CACNA1C: variants seen among roughly 807,000 people sequenced by gnomAD.
CACNA1C encodes the protein calcium voltage-gated channel subunit alpha1 C.
CACNA1C carries 30 observed loss-of-function variants against 229.0 expected under a neutral mutation model. That is an observed-to-expected ratio of 0.13 (90% confidence interval 0.10 to 0.18). The LOEUF is 0.18. Ranked by LOEUF, CACNA1C falls within the 10% of genes least tolerant of loss-of-function variation. The pLI is 1.00. For synonymous variants in CACNA1C, 1,114 were observed against 1,132.5 expected, an observed-to-expected ratio of 0.98 and a Z score of 0.33; for missense variants, 1,658 against 2,845.0, an observed-to-expected ratio of 0.58 and a Z score of 9.49.
At chr12:2,430,180 C>T (rs2099068808) in intron 3 of CACNA1C, among the ~76,000 whole-genome samples, 1 of 152,142 alleles carries the variant, frequency 6.6e-6, no homozygotes, top group Non-Finnish European at 1.5e-5. Flanking sequence ...GCCTTCTGCC[C>T]TCATGACCTA....
chr12:2,163,074 T>A (rs1237080846), intron 3 of CACNA1C, among the ~76,000 whole-genome samples: 1 of 151,972 alleles, frequency 6.6e-6, no homozygotes, highest in Non-Finnish European at 1.5e-5. Context: ...GGTGCATGCT[T>A]GTAATTCCAG....
chr12:2,041,270 C>CCT (rs1431120411), intron 1 of CACNA1C, among the ~76,000 whole-genome samples: 2 of 91,008 alleles, frequency 2.2e-5, no homozygotes, highest in African/African-American at 8.4e-5. Flanking sequence ...TAAGGGTATT[C>CCT]TTTTTTTTTT....
chr12:1,978,730 C>G (rs1411533832), intron 1 of CACNA1C, among the ~76,000 whole-genome samples: 2 of 152,178 alleles, frequency 1.3e-5, no homozygotes, highest in African/African-American at 4.8e-5. Flanking sequence ...TTCTATCACC[C>G]TAGATTAGTT....
At chr12:2,212,962 G>A (rs1599313920) in intron 3 of CACNA1C, among the ~76,000 whole-genome samples, 2 of 152,296 alleles carry the variant, frequency 1.3e-5, no homozygotes, top group Middle Eastern at 3.4e-3. Flanking sequence ...CAGTGATGTT[G>A]ATTGTTAAAA....
chr12:2,530,516 G>C (rs1445468351), intron 9 of CACNA1C, among the ~76,000 whole-genome samples: 2 of 152,200 alleles, frequency 1.3e-5, no homozygotes, highest in East Asian at 1.9e-4. Flanking sequence ...TGATCATCCA[G>C]AGCAAGGCCA....
chr12:2,622,814 C>A (rs1347942095), intron 29 of CACNA1C, among the ~76,000 whole-genome samples: 1 of 152,182 alleles, frequency 6.6e-6, no homozygotes, highest in Non-Finnish European at 1.5e-5. Flanking sequence ...GTGTTCCGCC[C>A]CTACAATGGT....
intron 3 of CACNA1C, among the ~76,000 whole-genome samples, chr12:2,171,074 T>C (rs1216341454): frequency 6.6e-6 from 1 of 152,244 alleles, no homozygotes; most frequent in Non-Finnish European, 1.5e-5. Context: ...GCTGGATTGC[T>C]GAGAACATCT....
chr12:2,007,791 T>C (rs2043720503), intron 1 of CACNA1C, among the ~76,000 whole-genome samples: 1 of 152,216 alleles, frequency 6.6e-6, no homozygotes, highest in Non-Finnish European at 1.5e-5. Context: ...CTTCTTAGCT[T>C]GGAATGACCT....
Position 2,605,872 on chromosome 12 carries a change from G to A in CACNA1C, c.3156+86G>A, listed in dbSNP as rs964173511. 9.6e-5 allele frequency: 90 copies of A among 938,626 alleles called. No homozygotes were observed. The highest frequency in any genetic ancestry group is 7.1e-4 in the African/African-American group (44 of 61,878). The allele number at this position is 938,626 out of a possible 1,614,324, so 58.1% of individuals were successfully genotyped here. A position where few individuals can be genotyped will look rare whatever the true frequency, so the allele number is the denominator to read the frequency against. On this transcript the variant is annotated intron_variant, in intron 24 of 46. Transcript: ENST00000399655. The surrounding 1 kb of genome is among the most constrained non-coding windows in gnomAD (Gnocchi z 6.2). ...GGGAACTGGCAGATATAGTACAAAC[G>A]AGACAGTGTCCTGAGCCAGACTTGG...
At chr12:2,031,920 C>T (rs2048289790) in intron 1 of CACNA1C, among the ~76,000 whole-genome samples, 1 of 152,076 alleles carries the variant, frequency 6.6e-6, no homozygotes, top group Non-Finnish European at 1.5e-5. Flanking sequence ...GCAATAGTCA[C>T]CTTTGTTTAT....
At chr12:2,103,425 AT>A (rs1006819018) in intron 1 of CACNA1C, among the ~76,000 whole-genome samples, 1 of 150,468 alleles carries the variant, frequency 6.6e-6, no homozygotes, top group South Asian at 2.1e-4. Context: ...TTTTGATGGG[AT>A]TTTTTTTTCT....
intron 3 of CACNA1C, among the ~76,000 whole-genome samples, chr12:2,156,511 T>G (rs1470443326): frequency 6.6e-6 from 1 of 152,268 alleles, no homozygotes; most frequent in Non-Finnish European, 1.5e-5. Flanking sequence ...TGAAATACTC[T>G]TTGATGACAT....
At chr12:2,088,191 A>G (rs776667516) in intron 1 of CACNA1C, among the ~76,000 whole-genome samples, 2 of 152,250 alleles carry the variant, frequency 1.3e-5, no homozygotes, top group Non-Finnish European at 2.9e-5. Context: ...ATTTCTCCGT[A>G]TGCTGGTTCT....
intron 3 of CACNA1C, among the ~76,000 whole-genome samples, chr12:2,311,799 G>A (rs1199353838): frequency 6.6e-6 from 1 of 152,186 alleles, no homozygotes; most frequent in East Asian, 1.9e-4. Context: ...CTTCATCATG[G>A]CATTTAAAAG....
At position 2,696,841 on chromosome 12, in the gene CACNA1C, G is replaced by A. The variant is rs1476143257; in HGVS notation, c.*5642G>A. 4 of 152,144 alleles carry A rather than the reference G, an allele frequency of 2.6e-5. No homozygotes were observed. The highest frequency in any genetic ancestry group is 2.0e-4 in the Admixed American group (3 of 15,276). The allele number at this position is 152,144 out of a possible 1,614,324, so 9.4% of individuals were successfully genotyped here. ...CTTGCCAAGGAACCTGAGGCTGCAG[G>A]TTTCAGGGACCCCCTTGAAGAAACC... On this transcript the variant is annotated 3_prime_UTR_variant, in exon 47 of 47. Coordinates refer to ENST00000399655, the MANE Select transcript of CACNA1C (RefSeq NM_000719.7).
At chr12:2,565,291 A>ACC (rs369870104) in intron 11 of CACNA1C, among the ~76,000 whole-genome samples, 1 of 150,534 alleles carries the variant, frequency 6.6e-6, no homozygotes, top group Non-Finnish European at 1.5e-5. Context: ...ACAAGGTGAA[A>ACC]CCCGTCTCTA....
At chr12:2,380,089 C>G (rs1019798183) in intron 3 of CACNA1C, among the ~76,000 whole-genome samples, 3 of 151,860 alleles carry the variant, frequency 2.0e-5, no homozygotes, top group African/African-American at 7.3e-5. Flanking sequence ...CCCCTGGTTC[C>G]CATCCCCACC....
intron 1 of CACNA1C, among the ~76,000 whole-genome samples, chr12:2,028,125 G>A (rs2047632998): frequency 6.6e-6 from 1 of 152,200 alleles, no homozygotes; most frequent in South Asian, 2.1e-4. Context: ...AATGCCTAAG[G>A]ATGCAGTATT....
intron 3 of CACNA1C, among the ~76,000 whole-genome samples, chr12:2,430,013 G>T (rs1003657403): frequency 3.3e-5 from 5 of 152,168 alleles, no homozygotes; most frequent in Non-Finnish European, 7.3e-5. Flanking sequence ...TTATGGTTCT[G>T]GAGGTTGGGA....
Sources: gnomAD v4.1 joint callset for allele counts (sites outside exome capture counted in the v4.1 genomes callset) on GRCh38, gnomAD v4.1.1 for gene constraint, Gnocchi (gnomAD v3.1) non-coding constraint, MANE v1.5 for transcripts, NCBI Gene and HGNC (gene_info 2026-07-23, HGNC 2026-07-21) for gene names.